The following SYNPO2L variants were observed in gnomAD, a reference collection of about 807,000 sequenced individuals.
The protein encoded by SYNPO2L is synaptopodin 2-like protein.
A neutral mutation model predicts 47.5 loss-of-function variants in SYNPO2L; 34 were observed. The observed-to-expected ratio is 0.72, with a 90% CI of 0.54 to 0.95. The LOEUF is 0.95. SYNPO2L is among the 40% of genes least tolerant of loss of function. The pLI is 0.00. For synonymous variants in SYNPO2L, 536 were observed against 524.9 expected (o/e 1.02, Z -0.29); for missense variants, 1,246 against 1,282.0 (o/e 0.97, Z 0.43).
chr10:73,655,898 C>A lies in SYNPO2L; in HGVS notation c.25G>T (p.Val9Phe). Reference sequence around the variant, plus strand: ...CAGGGGGCTCCCCCTGATAGTGTGACCAGCACCTCCTCCTCAGCACCCATC... The same window carrying A: ...CAGGGGGCTCCCCCTGATAGTGTGAACAGCACCTCCTCCTCAGCACCCATC... MGAEEEVL[V>F]TLSGGAPWGF... is the part of the protein sequence containing the mutation. Residue 9 changes from valine to phenylalanine, a missense_variant, in exon 1 of 4, where the codon GTC (valine) becomes TTC (phenylalanine). Around this residue, in one of 3 missense-constraint regions of SYNPO2L, gnomAD observed 61 missense variants for 55.6 expected, o/e 1.10. Transcript: ENST00000394810. 6.4e-7 allele frequency: 1 copy of A among 1,551,354 alleles called. No homozygotes were observed. The highest frequency in any genetic ancestry group is 8.7e-7 in the Non-Finnish European group (1 of 1,146,910).
In SYNPO2L at chr10:73,653,388, C is replaced by A; in HGVS notation, c.523G>T (p.Val175Phe). The A allele has an allele frequency of 6.4e-7, 1 of 1,551,524 alleles. No homozygotes were observed. Among genetic ancestry groups the A allele is most frequent in the Non-Finnish European group, 8.7e-7 (1 of 1,146,952 alleles). The change falls in exon 3 of 4, where the codon GTC becomes TTC. Residue 175 changes from valine (V) to phenylalanine (F), a missense_variant. Transcript: ENST00000394810. ...PTPPGAPPDE[V>F]YLSDSPAEPA... Reference sequence around the variant, plus strand: ...TCTGCAGGGCTGTCAGACAGGTAGACCTCATCAGGTGGGGCACCCGGAGGG... The same window carrying A: ...TCTGCAGGGCTGTCAGACAGGTAGAACTCATCAGGTGGGGCACCCGGAGGG...
At position 73,647,503 on chromosome 10, in the gene SYNPO2L, TA is replaced by T; in HGVS notation, c.2148del (p.Met717Ter). 1 of 1,570,518 alleles carries T rather than the reference TA, an allele frequency of 6.4e-7. No individual in the cohort carries two copies. The highest frequency in any genetic ancestry group is 8.7e-7 in the Non-Finnish European group (1 of 1,155,190). On this transcript the variant is annotated frameshift_variant, in exon 4 of 4. Coordinates refer to ENST00000394810, the MANE Select transcript of SYNPO2L (RefSeq NM_001114133.3). LOFTEE classifies it high-confidence loss of function. The part of the protein sequence containing the change: ...PPPMAPKTPP[P>X]MTPKTPPPVA... ...ACTGGGGGTGGAGTCTTAGGAGTCA[TA>T]GGGGGCGGGGTCTTGGGAGCCATTG...
chr10:73,654,820 A>G (rs2081866531), intron 1 of SYNPO2L, among the ~76,000 whole-genome samples: 1 of 151,732 alleles, frequency 6.6e-6, no homozygotes, highest in Non-Finnish European at 1.5e-5. Flanking sequence ...AGCCTGGGCA[A>G]CAGAGTAAGA....
Position 73,647,891 on chromosome 10 carries a change from A to T in SYNPO2L, c.1761T>A (p.Pro587=), listed in dbSNP as rs4746139. ...TSTASIFLSA[P]LRPSARPEAP... is the part of the protein sequence containing the mutation. ...CCTCTGGGCGCGCAGAGGGTCGCAA[A>T]GGCGCAGATAGGAAGATAGAAGCGG... Residue 587 remains proline (P), a synonymous_variant, in exon 4 of 4, where the codon CCT becomes CCA. Coordinates refer to ENST00000394810, the MANE Select transcript of SYNPO2L (RefSeq NM_001114133.3). 2.6e-6 allele frequency: 4 copies of T among 1,529,584 alleles called. No individual in the cohort carries two copies. The African/African-American group carries it at 5.6e-5, about 21-fold the overall frequency. 94.8% of individuals were successfully genotyped at this position (1,529,584 alleles called of 1,614,324 possible). A position where few individuals can be genotyped will look rare whatever the true frequency, so the allele number is the denominator to read the frequency against.
In SYNPO2L at chr10:73,653,159, G is replaced by T. The variant is rs1479279696; in HGVS notation, c.752C>A (p.Thr251Asn). ...PVAEDLTTTYTQKAKQAKLQR... is the reference protein window; with the variant it reads ...PVAEDLTTTYNQKAKQAKLQR... ...CTCACTGGCTTGCTTGGCCTTCTGG[G>T]TGTAGGTGGTAGTAAGATCTTCTGC... Residue 251 changes from threonine (T) to asparagine (N), a missense_variant, in exon 3 of 4, where the codon ACC (threonine) becomes AAC (asparagine). This residue lies in a region of SYNPO2L where 1,037 missense variants were observed against 1,021.5 expected (regional missense o/e 1.02). Coordinates refer to ENST00000394810, the MANE Select transcript of SYNPO2L (RefSeq NM_001114133.3). 6.9e-7 allele frequency: 1 copy of T among 1,452,850 alleles called. No homozygotes were observed. Among genetic ancestry groups the T allele is most frequent in the Non-Finnish European group, 9.1e-7 (1 of 1,098,398 alleles). 90.0% of individuals were successfully genotyped at this position (1,452,850 alleles called of 1,614,324 possible). A position where few individuals can be genotyped will look rare whatever the true frequency, so the allele number is the denominator to read the frequency against.
At chr10:73,650,019 G>C in intron 3 of SYNPO2L, 1 of 985,414 alleles carries the variant, frequency 1.0e-6, no homozygotes, top group Non-Finnish European at 1.2e-6. Flanking sequence ...GGCACACAAA[G>C]ACTATGTGCT....
rs769990915 is a variant in SYNPO2L at position 73,655,924 on chromosome 10, G to A, written c.-2C>T. On this transcript the variant is annotated 5_prime_UTR_variant, in exon 1 of 4. Transcript: ENST00000394810. ...CAGCACCTCCTCCTCAGCACCCATC[G>A]CTCAGCTTGGCCTATGGCCCCCGGA... 1.7e-5 allele frequency: 26 copies of A among 1,549,728 alleles called. No individual in the cohort carries two copies. Among genetic ancestry groups the A allele is most frequent in the South Asian group, 7.1e-5 (6 of 83,944 alleles).
Position 73,647,874 on chromosome 10 carries a change from C to A in SYNPO2L, c.1778G>T (p.Arg593Leu). The change falls in exon 4 of 4, where the codon CGC becomes CTC. Residue 593 changes from arginine (R) to leucine (L), a missense_variant. By Grantham distance (102) the Arg-to-Leu change is moderately radical. Coordinates refer to ENST00000394810, the MANE Select transcript of SYNPO2L (RefSeq NM_001114133.3). ...TGGGCCTGGGGCAGGCGCCTCTGGG[C>A]GCGCAGAGGGTCGCAAAGGCGCAGA... is the stretch of plus-strand genomic sequence containing the variant. ...FLSAPLRPSA[R>L]PEAPAPGPGA... is the part of the protein sequence containing the mutation. The A allele has an allele frequency of 1.3e-6, 2 of 1,533,708 alleles. No homozygotes were observed. The highest frequency in any genetic ancestry group is 1.3e-5 in the South Asian group (1 of 77,110).
chr10:73,654,582 G>A lies in SYNPO2L; in HGVS notation c.106-302C>T, dbSNP rs552174786. Among the ~76,000 whole-genome samples the A allele has an allele frequency of 3.9e-5, 6 of 152,280 alleles. No homozygotes were observed. In the South Asian group the frequency reaches 6.2e-4, roughly 16 times the overall value. On this transcript the variant is annotated intron_variant, in intron 1 of 3. Transcript: ENST00000394810. ...TTATTGGCTGGGTGCAGTGGCTCAC[G>A]CCTGTAAGCCCAGTGCTTTGGGAGG... is the stretch of plus-strand genomic sequence containing the variant.
Position 73,653,509 on chromosome 10 carries a change from A to T in SYNPO2L, c.402T>A (p.Ser134Arg). The stretch of plus-strand genomic sequence containing the variant: ...TGTCAGTCTCTCCGTAGTAAGCCTC[A>T]CTATCAGGAGGTGAACGAAGGCTCC... ...QPGSLRSPPD[S>R]EAYYGETDSD... The change falls in exon 3 of 4, where the codon AGT becomes AGA. Residue 134 changes from serine to arginine, a missense_variant. Physicochemically the swap from Ser to Arg is moderately radical, Grantham distance 110. Around this residue, in one of 3 missense-constraint regions of SYNPO2L, gnomAD observed 148 missense variants for 204.8 expected, o/e 0.72. Transcript: ENST00000394810. The T allele has an allele frequency of 6.4e-7, 1 of 1,551,848 alleles. No homozygotes were observed. Among genetic ancestry groups the T allele is most frequent in the Non-Finnish European group, 8.7e-7 (1 of 1,147,008 alleles).
Position 73,647,942 on chromosome 10 carries a change from A to T in SYNPO2L, c.1710T>A (p.Pro570=), listed in dbSNP as rs778187269. 6.5e-7 allele frequency: 1 copy of T among 1,531,044 alleles called. No individual in the cohort carries two copies. The highest frequency in any genetic ancestry group is 8.8e-7 in the Non-Finnish European group (1 of 1,142,122). The allele number at this position is 1,531,044 out of a possible 1,614,324, so 94.8% of individuals were successfully genotyped here. ...TPGGAPEPPA[P]PSAAAMTSTA... ...TGGAGGTCATGGCAGCTGCGCTAGG[A>T]GGAGCGGGGGGCTCTGGAGCTCCAC... Residue 570 remains proline, a synonymous_variant, in exon 4 of 4, where the codon CCT becomes CCA. Transcript: ENST00000394810.
At position 73,645,785 on chromosome 10, in the gene SYNPO2L, C is replaced by G; in HGVS notation, c.*933G>C. 1 of 985,812 alleles carries G rather than the reference C, an allele frequency of 1.0e-6. No homozygotes were observed. The highest frequency in any genetic ancestry group is 1.2e-6 in the Non-Finnish European group (1 of 829,972). 61.1% of individuals were successfully genotyped at this position (985,812 alleles called of 1,614,324 possible). On this transcript the variant is annotated 3_prime_UTR_variant, in exon 4 of 4. Coordinates refer to ENST00000394810, the MANE Select transcript of SYNPO2L (RefSeq NM_001114133.3). ...TCAACTCCATGTGGGGATATCTGACCCTTCTATCAGTACAACGATAAGACT... is the reference window on the plus strand; with the variant it reads ...TCAACTCCATGTGGGGATATCTGACGCTTCTATCAGTACAACGATAAGACT...
chr10:73,644,913 C>G lies in SYNPO2L; in HGVS notation c.*1805G>C. On this transcript the variant is annotated 3_prime_UTR_variant, in exon 4 of 4. Transcript: ENST00000394810. ...TGGGGCATAAATTTATTCTTGTGCA[C>G]AAACCAAAGTATTGTGACTCACACC... 2.1e-6 allele frequency: 2 copies of G among 966,996 alleles called. No individual in the cohort carries two copies. Among genetic ancestry groups the G allele is most frequent in the South Asian group, 3.4e-5 (2 of 59,640 alleles). The allele number at this position is 966,996 out of a possible 1,614,324, so 59.9% of individuals were successfully genotyped here. A position where few individuals can be genotyped will look rare whatever the true frequency, so the allele number is the denominator to read the frequency against.
rs2081861921 is a variant in SYNPO2L, at chr10:73,654,161, G to T, written c.225C>A (p.Ala75=). The change falls in exon 2 of 4, where the codon GCC becomes GCA. Residue 75 remains alanine, a synonymous_variant. Coordinates refer to ENST00000394810, the MANE Select transcript of SYNPO2L (RefSeq NM_001114133.3). ...CAGTGAGGACAAGCTGATTTCCTGA[G>T]GCATCGATGAGGCTCATGGCACTGG... ...SHASAMSLID[A]SGNQLVLTVQ... is the part of the protein sequence containing the mutation. 1 of 1,551,570 alleles carries T rather than the reference G, an allele frequency of 6.4e-7. No individual in the cohort carries two copies. The highest frequency in any genetic ancestry group is 8.7e-7 in the Non-Finnish European group (1 of 1,146,980).
chr10:73,647,746 T>A lies in SYNPO2L; in HGVS notation c.1906A>T (p.Met636Leu). Residue 636 changes from methionine to leucine, a missense_variant, in exon 4 of 4, where the codon ATG (methionine) becomes TTG (leucine). This residue lies in a region of SYNPO2L where 1,037 missense variants were observed against 1,021.5 expected (regional missense o/e 1.02). Transcript: ENST00000394810. ...GTCTCCTCCTTTCCCGGCCGGAACA[T>A]CTGCTTCCGGGTCCCCCGGCGCCGG... is the stretch of plus-strand genomic sequence containing the variant. ...EARRRGTRKQ[M>L]FRPGKEETKN... 3.1e-6 allele frequency: 5 copies of A among 1,613,924 alleles called. No homozygotes were observed. The highest frequency in any genetic ancestry group is 4.2e-6 in the Non-Finnish European group (5 of 1,179,880).
rs929489959 is a variant in SYNPO2L, at chr10:73,646,539, A to C, written c.*179T>G. 8.0e-7 allele frequency: 1 copy of C among 1,255,908 alleles called. No individual in the cohort carries two copies. Among genetic ancestry groups the C allele is most frequent in the African/African-American group, 1.5e-5 (1 of 65,100 alleles). The allele number at this position is 1,255,908 out of a possible 1,614,324, so 77.8% of individuals were successfully genotyped here. Reference sequence around the variant, plus strand: ...CCAAAGCAGACATACTTGGTTGGAAAGCGGCAGGGAGGTAGAGAGTGAGGA... The same window carrying C: ...CCAAAGCAGACATACTTGGTTGGAACGCGGCAGGGAGGTAGAGAGTGAGGA... On this transcript the variant is annotated 3_prime_UTR_variant, in exon 4 of 4. Transcript: ENST00000394810.
In SYNPO2L at chr10:73,648,230, G is replaced by T. The variant is rs1334101991; in HGVS notation, c.1422C>A (p.Gly474=). The T allele has an allele frequency of 6.3e-7, 1 of 1,586,450 alleles. No individual in the cohort carries two copies. The highest frequency in any genetic ancestry group is 8.6e-7 in the Non-Finnish European group (1 of 1,169,072). ...FNRSARPFTP[G]LQGQRPTTTS... is the part of the protein sequence containing the mutation. ...TGGTAGTTGGCCGCTGCCCTTGTAGGCCCGGGGTAAAGGGCCTGGCTGACC... is the reference window on the plus strand; with the variant it reads ...TGGTAGTTGGCCGCTGCCCTTGTAGTCCCGGGGTAAAGGGCCTGGCTGACC... The change falls in exon 4 of 4, where the codon GGC becomes GGA. Residue 474 remains glycine (G), a synonymous_variant. Coordinates refer to ENST00000394810, the MANE Select transcript of SYNPO2L (RefSeq NM_001114133.3).
intron 3 of SYNPO2L, 55 bp downstream of exon 3, chr10:73,653,084 A>T: frequency 7.0e-7 from 1 of 1,433,592 alleles, no homozygotes; most frequent in Admixed American, 2.9e-5. Flanking sequence ...AGAAGGCTGG[A>T]TTTAAGGCTC....
In SYNPO2L at chr10:73,644,932, TCA is replaced by T. The variant is rs1045382093; in HGVS notation, c.*1784_*1785del. ...TGTGCACAAACCAAAGTATTGTGAC[TCA>T]CACCCAACAAGCAAAGGAAATTATC... On this transcript the variant is annotated 3_prime_UTR_variant, in exon 4 of 4. Transcript: ENST00000394810. The T allele has an allele frequency of 3.6e-6, 4 of 1,116,922 alleles. No homozygotes were observed. The African/African-American group carries it at 6.9e-5, about 19-fold the overall frequency. 69.2% of individuals were successfully genotyped at this position (1,116,922 alleles called of 1,614,324 possible).
Sources: allele counts gnomAD v4.1 joint callset (sites outside exome capture counted in the v4.1 genomes callset), GRCh38; gene constraint gnomAD v4.1.1; regional missense constraint gnomAD v4.1.1; transcripts MANE v1.5; gene names NCBI Gene and HGNC (gene_info 2026-07-23, HGNC 2026-07-21).